PTPN12: variants seen among roughly 807,000 people sequenced by gnomAD.
The protein encoded by PTPN12 is tyrosine-protein phosphatase non-receptor type 12.
Under a neutral mutation model 97.6 loss-of-function variants are expected in PTPN12, and 29 were observed. That is an observed-to-expected ratio of 0.30 (90% CI 0.22 to 0.41). The LOEUF is 0.41. PTPN12 is among the 10% of genes least tolerant of loss of function. The probability of loss-of-function intolerance (pLI) is 1.00; values close to 1 mark genes in which losing one functional copy is unlikely to be tolerated. For synonymous variants in PTPN12, 327 were observed against 300.4 expected (o/e 1.09, Z -0.91); for missense variants, 819 against 926.0 (o/e 0.88, Z 1.50).
intron 1 of PTPN12, among the ~76,000 whole-genome samples, chr7:77,567,969 A>G (rs1319439689): frequency 2.0e-5 from 3 of 152,218 alleles, no homozygotes; most frequent in African/African-American, 7.2e-5. Context: ...GTAGCTTACT[A>G]TAAAGCTGAC....
In PTPN12 at chr7:77,625,510, T is replaced by TCTCA. The variant is rs1789126225; in HGVS notation, c.1026-1192_1026-1191insACTC. ...CTCTCTCTCTCTCTCTCTCTCTCTC[T>TCTCA]CTCTCTCTCTCTCACTCTCACTCTC... On this transcript the variant is annotated intron_variant, in intron 12 of 17. Coordinates refer to ENST00000248594, the MANE Select transcript of PTPN12 (RefSeq NM_002835.4). 4.2e-4 allele frequency among the ~76,000 whole-genome samples: 42 copies of TCTCA among 100,364 alleles called. 3 individuals are homozygous for TCTCA. Among genetic ancestry groups the TCTCA allele is most frequent in the South Asian group, 1.4e-3 (4 of 2,876 alleles). The allele number at this position is 100,364 out of a possible 152,430, so 65.8% of individuals were successfully genotyped here. A position where few individuals can be genotyped will look rare whatever the true frequency, so the allele number is the denominator to read the frequency against.
intron 1 of PTPN12, among the ~76,000 whole-genome samples, chr7:77,538,453 G>A (rs1395852450): frequency 6.7e-6 from 1 of 148,772 alleles, no homozygotes; most frequent in African/African-American, 2.5e-5. Flanking sequence ...TGGGGGTGGG[G>A]AACTTGGGAA....
At chr7:77,586,085 C>T (rs1787681235) in intron 5 of PTPN12, among the ~76,000 whole-genome samples, 1 of 152,102 alleles carries the variant, frequency 6.6e-6, no homozygotes, top group African/African-American at 2.4e-5. Context: ...TTCTGAGTAG[C>T]TGGGATTATA....
chr7:77,587,066 C>G (rs374391402), intron 5 of PTPN12, among the ~76,000 whole-genome samples: 1 of 151,680 alleles, frequency 6.6e-6, no homozygotes, highest in Non-Finnish European at 1.5e-5. Flanking sequence ...TTTCCAAACT[C>G]GTGTTAATCT....
intron 2 of PTPN12, among the ~76,000 whole-genome samples, chr7:77,579,205 T>C (rs1010461366): frequency 2.0e-5 from 3 of 152,136 alleles, no homozygotes; most frequent in Admixed American, 1.3e-4. Flanking sequence ...TACCACAACC[T>C]CCGCTTCCTG....
intron 5 of PTPN12, among the ~76,000 whole-genome samples, chr7:77,587,037 C>T (rs868051556): frequency 1.3e-5 from 2 of 151,932 alleles, no homozygotes; most frequent in African/African-American, 4.8e-5. Context: ...AAAGTTATCA[C>T]GAGGGTTGGA....
intron 3 of PTPN12, among the ~76,000 whole-genome samples, chr7:77,582,554 C>T (rs1030952809): frequency 6.6e-5 from 10 of 151,876 alleles, no homozygotes; most frequent in African/African-American, 1.9e-4. Context: ...GAGACCTAGG[C>T]GGGTGGATCA....
At chr7:77,610,536 G>A (rs1788535905) in intron 9 of PTPN12, among the ~76,000 whole-genome samples, 1 of 152,060 alleles carries the variant, frequency 6.6e-6, no homozygotes, top group Non-Finnish European at 1.5e-5. Context: ...CCTGTATACT[G>A]CAGTCATACT....
At position 77,632,555 on chromosome 7, in the gene PTPN12, A is replaced by G. The variant is rs562712420; in HGVS notation, c.2074+130A>G. 141 of 688,062 alleles carry G rather than the reference A, an allele frequency of 2.0e-4. 3 individuals are homozygous for G. The South Asian group carries it at 2.5e-3, about 12-fold the overall frequency. 42.6% of individuals were successfully genotyped at this position (688,062 alleles called of 1,614,324 possible). A position where few individuals can be genotyped will look rare whatever the true frequency, so the allele number is the denominator to read the frequency against. On this transcript the variant is annotated intron_variant, in intron 14 of 17. Transcript: ENST00000248594. ...CAAAAACAAGTAAATTGATGTTGACATGCTTTTAATTCTTTGTTTGAAAAA... is the reference window on the plus strand; with the variant it reads ...CAAAAACAAGTAAATTGATGTTGACGTGCTTTTAATTCTTTGTTTGAAAAA...
chr7:77,540,385 A>C (rs934951702), intron 1 of PTPN12, among the ~76,000 whole-genome samples: 6 of 151,548 alleles, frequency 4.0e-5, no homozygotes, highest in East Asian at 3.9e-4. Flanking sequence ...TTACAGGCGC[A>C]TGCCACCACG....
At chr7:77,581,874 T>G (rs1340414589) in intron 3 of PTPN12, among the ~76,000 whole-genome samples, 1 of 152,160 alleles carries the variant, frequency 6.6e-6, no homozygotes, top group Non-Finnish European at 1.5e-5. Context: ...AATATTGCAG[T>G]AAACATCTTT....
intron 12 of PTPN12, among the ~76,000 whole-genome samples, chr7:77,621,007 G>A (rs1331014208): frequency 6.6e-6 from 1 of 151,906 alleles, no homozygotes; most frequent in Non-Finnish European, 1.5e-5. Context: ...CACGCCTGTA[G>A]TCCCAACATT....
intron 1 of PTPN12, among the ~76,000 whole-genome samples, chr7:77,560,796 C>G (rs1175685773): frequency 6.6e-6 from 1 of 152,050 alleles, no homozygotes; most frequent in Non-Finnish European, 1.5e-5. Flanking sequence ...ATCTATTTGC[C>G]CATAGCATGA....
At chr7:77,586,817 TCACCAAAA>T (rs1308402815) in intron 5 of PTPN12, among the ~76,000 whole-genome samples, 2 of 152,232 alleles carry the variant, frequency 1.3e-5, no homozygotes, top group Non-Finnish European at 2.9e-5. Flanking sequence ...CACAGCATCT[TCACCAAAA>T]GTATATTCCA....
intron 6 of PTPN12, among the ~76,000 whole-genome samples, chr7:77,594,485 C>T (rs1424242345): frequency 6.6e-6 from 1 of 152,080 alleles, no homozygotes; most frequent in African/African-American, 2.4e-5. Context: ...TTGTTTTGGA[C>T]ATTTGTAAAT....
intron 6 of PTPN12, among the ~76,000 whole-genome samples, chr7:77,594,373 C>G (rs1265201145): frequency 1.3e-5 from 2 of 152,168 alleles, no homozygotes; most frequent in African/African-American, 4.8e-5. Flanking sequence ...ACCACACTGT[C>G]TACTTCAGTG....
chr7:77,569,933 C>T (rs1176578550), intron 1 of PTPN12, among the ~76,000 whole-genome samples: 1 of 152,172 alleles, frequency 6.6e-6, no homozygotes, highest in African/African-American at 2.4e-5. Context: ...AAGCAGTCCT[C>T]CCAAAGTGCT....
chr7:77,624,842 A>G (rs1394333496), intron 12 of PTPN12, among the ~76,000 whole-genome samples: 1 of 152,014 alleles, frequency 6.6e-6, no homozygotes, highest in African/African-American at 2.4e-5. Flanking sequence ...AAAAAAAGCA[A>G]AAACTCTGAG....
chr7:77,616,784 C>A (rs1788765125), intron 11 of PTPN12, among the ~76,000 whole-genome samples: 1 of 151,676 alleles, frequency 6.6e-6, no homozygotes, highest in African/African-American at 2.4e-5. Context: ...GTTGGGGGTA[C>A]TTTTTTGTTT....
Sources: allele counts gnomAD v4.1 joint callset (sites outside exome capture counted in the v4.1 genomes callset), GRCh38; gene constraint gnomAD v4.1.1; transcripts MANE v1.5; gene names NCBI Gene and HGNC (gene_info 2026-07-23, HGNC 2026-07-21).